The following ROBO2 variants were observed in gnomAD, a reference collection of about 807,000 sequenced individuals.
ROBO2 encodes roundabout guidance receptor 2.
Under a neutral mutation model 160.8 loss-of-function variants are expected in ROBO2, and 53 were observed. That is an observed-to-expected ratio of 0.33 (90% CI 0.26 to 0.41). The LOEUF (loss-of-function observed/expected upper bound fraction) is 0.41. Ranked by LOEUF, ROBO2 falls within the 10% of genes least tolerant of loss-of-function variation. The pLI, the probability that ROBO2 is intolerant of heterozygous loss-of-function variation, is 1.00. For missense variants in ROBO2, 1,577 were observed against 1,722.4 expected, an observed-to-expected ratio of 0.92 and a Z score of 1.49; for synonymous variants, 664 against 611.7, an observed-to-expected ratio of 1.09 and a Z score of -1.26.
chr3:76,978,941 T>TG (rs1269836131), intron 2 of ROBO2, among the ~76,000 whole-genome samples: 1 of 150,052 alleles, frequency 6.7e-6, no homozygotes, highest in African/African-American at 2.5e-5. Context: ...TTTGTTTGTT[T>TG]TTTAAAAAAA....
chr3:76,267,342 C>G (rs1431660498), intron 2 of ROBO2, among the ~76,000 whole-genome samples: 1 of 152,220 alleles, frequency 6.6e-6, no homozygotes, highest in East Asian at 1.9e-4. Context: ...ATAGAATGCC[C>G]TGCTAGACTT....
At chr3:76,871,556 AAAAAG>A (rs1225218128) in intron 2 of ROBO2, among the ~76,000 whole-genome samples, 3 of 144,122 alleles carry the variant, frequency 2.1e-5, no homozygotes, top group African/African-American at 7.5e-5. Flanking sequence ...TCCGTCTCAA[AAAAAG>A]AAAAAAAAAG....
chr3:76,435,872 T>G (rs1330772368), intron 2 of ROBO2, among the ~76,000 whole-genome samples: 5 of 152,180 alleles, frequency 3.3e-5, no homozygotes, highest in Non-Finnish European at 7.3e-5. Flanking sequence ...ATGGTTCTGC[T>G]ATAACCAAAC....
intron 2 of ROBO2, among the ~76,000 whole-genome samples, chr3:77,448,121 T>C (rs2080747536): frequency 1.3e-5 from 2 of 152,122 alleles, no homozygotes; most frequent in Non-Finnish European, 2.9e-5. Context: ...GAATCCGGGC[T>C]GGTCTTGTGA....
At chr3:76,020,354 A>G (rs890653871) in intron 2 of ROBO2, among the ~76,000 whole-genome samples, 4 of 151,714 alleles carry the variant, frequency 2.6e-5, no homozygotes, top group African/African-American at 9.7e-5. Context: ...ATTTTTTTAC[A>G]TTTATTACGA....
intron 2 of ROBO2, among the ~76,000 whole-genome samples, chr3:77,160,754 T>G (rs773481361): frequency 6.6e-6 from 1 of 152,182 alleles, no homozygotes; most frequent in Non-Finnish European, 1.5e-5. Flanking sequence ...AGATAGATTC[T>G]GAGCATGTAA....
chr3:77,138,063 A>C (rs529127600), intron 2 of ROBO2, among the ~76,000 whole-genome samples: 11 of 152,092 alleles, frequency 7.2e-5, no homozygotes, highest in South Asian at 2.1e-4. Context: ...CTTCCTTCTT[A>C]TTATCCAAAG....
At chr3:77,020,337 A>T (rs1451205219) in intron 2 of ROBO2, among the ~76,000 whole-genome samples, 2 of 152,196 alleles carry the variant, frequency 1.3e-5, no homozygotes, top group Non-Finnish European at 2.9e-5. Flanking sequence ...TGGAAAATAG[A>T]AGTCCTTATT....
At chr3:76,075,555 A>G (rs1258554210) in intron 2 of ROBO2, among the ~76,000 whole-genome samples, 2 of 150,942 alleles carry the variant, frequency 1.3e-5, no homozygotes, top group African/African-American at 4.9e-5. Context: ...ACTAATTTAA[A>G]ATTTCTTAGA....
chr3:76,567,654 C>CATATAT, intron 2 of ROBO2, among the ~76,000 whole-genome samples: 1 of 41,648 alleles, frequency 2.4e-5, no homozygotes, highest in Middle Eastern at 0.026. Flanking sequence ...TATATATATA[C>CATATAT]ACATACACAT....
rs11919663 is a variant in ROBO2 at position 76,833,502 on chromosome 3, G to A, written c.110-264512G>A. Among the ~76,000 whole-genome samples, 909 of 152,324 alleles carry A rather than the reference G, an allele frequency of 6.0e-3. 10 individuals carry two copies. Among genetic ancestry groups the A allele is most frequent in the African/African-American group, 0.02 (833 of 41,570 alleles). On this transcript the variant is annotated intron_variant, in intron 2 of 26. Transcript: ENST00000487694. ...AGACAAAACGATATGAGGAAACAGA[G>A]TGAAGTCAATAGCTTTTCACTTAGA...
intron 2 of ROBO2, among the ~76,000 whole-genome samples, chr3:76,063,138 A>G (rs1452878054): frequency 2.0e-5 from 3 of 152,166 alleles, no homozygotes; most frequent in African/African-American, 7.2e-5. Flanking sequence ...GCAAGGTAAC[A>G]CCAACTATAG....
intron 2 of ROBO2, among the ~76,000 whole-genome samples, chr3:76,341,350 G>T (rs2074211030): frequency 6.7e-6 from 1 of 148,604 alleles, no homozygotes; most frequent in Admixed American, 6.8e-5. Context: ...CCTACTACGG[G>T]TCCAATCCAG....
At chr3:77,355,796 G>T (rs977530000) in intron 2 of ROBO2, among the ~76,000 whole-genome samples, 2 of 152,030 alleles carry the variant, frequency 1.3e-5, no homozygotes, top group Admixed American at 6.6e-5. Flanking sequence ...TTTGCATAAG[G>T]TGAAGGACAC....
intron 2 of ROBO2, among the ~76,000 whole-genome samples, chr3:75,983,184 A>G (rs975934039): frequency 1.3e-5 from 2 of 151,506 alleles, no homozygotes; most frequent in African/African-American, 4.8e-5. Context: ...AAAAAGTGCA[A>G]TGTTTTACTT....
chr3:76,141,078 A>ATATATATATATATAT (rs1559585714), intron 2 of ROBO2, among the ~76,000 whole-genome samples: 3 of 17,546 alleles, frequency 1.7e-4, no homozygotes, highest in African/African-American at 4.9e-4. Flanking sequence ...TATATATATA[A>ATATATATATATATAT]AATATATGTG....
chr3:77,376,485 C>G (rs1474025628), intron 2 of ROBO2, among the ~76,000 whole-genome samples: 1 of 151,920 alleles, frequency 6.6e-6, no homozygotes, highest in Non-Finnish European at 1.5e-5. Flanking sequence ...AAATTTATGT[C>G]AACAAGCTAA....
intron 2 of ROBO2, among the ~76,000 whole-genome samples, chr3:76,335,138 A>AT (rs1419716457): frequency 6.9e-6 from 1 of 144,036 alleles, no homozygotes; most frequent in African/African-American, 2.6e-5. Context: ...AAGTTCTGGG[A>AT]TTGCAGGCAT....
At chr3:77,575,742 A>G (rs1189642209) in intron 14 of ROBO2, among the ~76,000 whole-genome samples, 1 of 152,108 alleles carries the variant, frequency 6.6e-6, no homozygotes, top group Non-Finnish European at 1.5e-5. Flanking sequence ...CATTATCATC[A>G]TATCTTTATT....
Sources: allele counts gnomAD v4.1 joint callset (sites outside exome capture counted in the v4.1 genomes callset), GRCh38; gene constraint gnomAD v4.1.1; transcripts MANE v1.5; gene names NCBI Gene and HGNC (gene_info 2026-07-23, HGNC 2026-07-21).